CMC1: variants seen among roughly 807,000 people sequenced by gnomAD.
CMC1 encodes C-X9-C motif containing 1.
A neutral mutation model predicts 14.1 loss-of-function variants in CMC1; 14 were observed. The ratio of observed to expected loss-of-function variants is 0.99; its 90% CI spans 0.66 to 1.55. CMC1 has a LOEUF of 1.55. CMC1 is among the 40% of genes most tolerant of loss of function. The pLI is 0.00. For missense variants in CMC1, 127 were observed against 123.8 expected, an observed-to-expected ratio of 1.03 and a Z score of -0.12; for synonymous variants, 50 against 38.4, an observed-to-expected ratio of 1.30 and a Z score of -1.12.
intron 2 of CMC1, among the ~76,000 whole-genome samples, chr3:28,288,236 A>G (rs1005878520): frequency 1.1e-4 from 16 of 152,276 alleles, no homozygotes; most frequent in African/African-American, 3.6e-4. Context: ...TATTTTGGAA[A>G]TAACTAAATT....
chr3:28,311,381 T>A (rs1405388025), intron 2 of CMC1, among the ~76,000 whole-genome samples: 1 of 152,198 alleles, frequency 6.6e-6, no homozygotes, highest in Admixed American at 6.5e-5. Flanking sequence ...CCTACAATTG[T>A]GTTACTAAAT....
At chr3:28,285,704 G>A (rs1332706793) in intron 2 of CMC1, among the ~76,000 whole-genome samples, 5 of 149,508 alleles carry the variant, frequency 3.3e-5, no homozygotes, top group African/African-American at 4.9e-5. Context: ...AAAAACCCAT[G>A]ACTTTTGGAC....
intron 1 of CMC1, among the ~76,000 whole-genome samples, chr3:28,246,165 A>G (rs145952997): frequency 2.0e-3 from 306 of 151,978 alleles, no homozygotes; most frequent in African/African-American, 6.9e-3. Flanking sequence ...TTAGACATAA[A>G]TTACGTTGGT....
chr3:28,290,573 C>T (rs187816089), intron 2 of CMC1, among the ~76,000 whole-genome samples: 23 of 152,094 alleles, frequency 1.5e-4, no homozygotes, highest in African/African-American at 4.8e-4. Flanking sequence ...CTTTCTGTAT[C>T]CTTGAGTTTG....
chr3:28,275,324 G>GTTTTTTTTTT (rs1559416008), intron 2 of CMC1, among the ~76,000 whole-genome samples: 1 of 108,454 alleles, frequency 9.2e-6, no homozygotes, highest in Non-Finnish European at 2.1e-5. Context: ...ACTGTTAGTT[G>GTTTTTTTTTT]TTTGTTTTTT....
At position 28,293,878 on chromosome 3, in the gene CMC1, G is replaced by C. The variant is rs145306317; in HGVS notation, c.110-22455G>C. On this transcript the variant is annotated intron_variant, in intron 2 of 3. Transcript: ENST00000466830. ...ATTACAGGCATGAGACACCATGCCT[G>C]GCTAAAAGTATTCTTTTTTTTAACT... Among the ~76,000 whole-genome samples, 1,031 of 152,116 alleles carry C rather than the reference G, an allele frequency of 6.8e-3. 19 individuals carry two copies. The highest frequency in any genetic ancestry group is 0.024 in the African/African-American group (984 of 41,502).
intron 2 of CMC1, among the ~76,000 whole-genome samples, chr3:28,298,756 A>G (rs1701876425): frequency 6.6e-6 from 1 of 152,090 alleles, no homozygotes; most frequent in Non-Finnish European, 1.5e-5. Flanking sequence ...GTTTAGTAGT[A>G]ACAGTTGCAA....
chr3:28,274,206 G>GTTTTTTTTTTTTTTTTTTTTTTTTTTTTT lies in CMC1; in HGVS notation c.109+10831_109+10832insTTTTTTTTTTTTTTTTTTTTTTTTTTTTT, dbSNP rs1265139321. 3.4e-4 allele frequency among the ~76,000 whole-genome samples: 28 copies of GTTTTTTTTTTTTTTTTTTTTTTTTTTTTT among 83,080 alleles called. 5 individuals are homozygous for GTTTTTTTTTTTTTTTTTTTTTTTTTTTTT. Among genetic ancestry groups the GTTTTTTTTTTTTTTTTTTTTTTTTTTTTT allele is most frequent in the East Asian group, 1.8e-3 (4 of 2,260 alleles). The allele number at this position is 83,080 out of a possible 152,430, so 54.5% of individuals were successfully genotyped here. A position where few individuals can be genotyped will look rare whatever the true frequency, so the allele number is the denominator to read the frequency against. Reference sequence around the variant, plus strand: ...GTGTCATTGGTCTTTGTACTAAAGTGTTTTTGTTTTTTTCTTTTTTTTTTT... The same window carrying GTTTTTTTTTTTTTTTTTTTTTTTTTTTTT: ...GTGTCATTGGTCTTTGTACTAAAGTGTTTTTTTTTTTTTTTTTTTTTTTTTTTTTTTTTTGTTTTTTTCTTTTTTTTTTT... On this transcript the variant is annotated intron_variant, in intron 2 of 3. Coordinates refer to ENST00000466830, the MANE Select transcript of CMC1 (RefSeq NM_182523.2).
intron 2 of CMC1, among the ~76,000 whole-genome samples, chr3:28,315,346 C>T (rs983335444): frequency 1.3e-5 from 2 of 152,110 alleles, no homozygotes; most frequent in South Asian, 2.1e-4. Context: ...GGTGCCAGTA[C>T]AATTTAAAGA....
At chr3:28,313,510 T>C (rs1490822093) in intron 2 of CMC1, among the ~76,000 whole-genome samples, 1 of 152,228 alleles carries the variant, frequency 6.6e-6, no homozygotes, top group African/African-American at 2.4e-5. Context: ...CAGAATTCCA[T>C]TTTGGAAATC....
At chr3:28,258,085 T>TATATATATATATATATATAC (rs1481573780) in intron 1 of CMC1, among the ~76,000 whole-genome samples, 1 of 144,956 alleles carries the variant, frequency 6.9e-6, no homozygotes, top group African/African-American at 2.5e-5. Flanking sequence ...TATATATATA[T>TATATATATATATATATATAC]ACTTACAATT....
intron 2 of CMC1, among the ~76,000 whole-genome samples, chr3:28,308,585 A>T (rs1702454637): frequency 6.6e-6 from 1 of 152,202 alleles, no homozygotes; most frequent in Non-Finnish European, 1.5e-5. Context: ...GATAAAATGA[A>T]TTTTATTGTA....
At chr3:28,276,012 C>T (rs910868911) in intron 2 of CMC1, among the ~76,000 whole-genome samples, 4 of 152,142 alleles carry the variant, frequency 2.6e-5, no homozygotes, top group African/African-American at 9.7e-5. Flanking sequence ...TGGCTGCTGC[C>T]CCTTCTTCTG....
intron 2 of CMC1, among the ~76,000 whole-genome samples, chr3:28,290,991 G>A (rs1701441965): frequency 6.6e-6 from 1 of 151,966 alleles, no homozygotes; most frequent in South Asian, 2.1e-4. Flanking sequence ...TGCTTTGAAG[G>A]TCACTCATGG....
chr3:28,305,975 T>C (rs1332881099), intron 2 of CMC1, among the ~76,000 whole-genome samples: 1 of 151,960 alleles, frequency 6.6e-6, no homozygotes, highest in African/African-American at 2.4e-5. Context: ...TTATTTACTT[T>C]GTTGAAAATC....
intron 2 of CMC1, among the ~76,000 whole-genome samples, chr3:28,284,696 C>T (rs1701083552): frequency 1.3e-5 from 2 of 151,748 alleles, no homozygotes; most frequent in South Asian, 4.1e-4. Context: ...TCTATATAAG[C>T]CATAAGTTTT....
At chr3:28,268,980 A>G (rs928792333) in intron 2 of CMC1, among the ~76,000 whole-genome samples, 9 of 152,226 alleles carry the variant, frequency 5.9e-5, no homozygotes, top group Non-Finnish European at 1.3e-4. Context: ...TTAGTATAAT[A>G]AGATATTTAT....
At chr3:28,265,056 T>G (rs543926642) in intron 2 of CMC1, among the ~76,000 whole-genome samples, 4 of 152,290 alleles carry the variant, frequency 2.6e-5, no homozygotes, top group African/African-American at 9.6e-5. Context: ...AAATAAAGTG[T>G]TTAATTTTCA....
intron 2 of CMC1, among the ~76,000 whole-genome samples, chr3:28,297,386 G>A (rs546606635): frequency 6.6e-6 from 1 of 151,996 alleles, no homozygotes; most frequent in Non-Finnish European, 1.5e-5. Context: ...CAGCCTCATA[G>A]GACCATGGAA....
Sources: gnomAD v4.1 joint callset for allele counts (sites outside exome capture counted in the v4.1 genomes callset) on GRCh38, gnomAD v4.1.1 for gene constraint, MANE v1.5 for transcripts, NCBI Gene and HGNC (gene_info 2026-07-23, HGNC 2026-07-21) for gene names.